The following GLYATL2 variants were observed in gnomAD, a reference collection of about 807,000 sequenced individuals.
GLYATL2 encodes the protein glycine N-acyltransferase-like protein 2.
GLYATL2 carries 25 observed loss-of-function variants against 21.4 expected under a neutral mutation model. That is an observed-to-expected ratio of 1.17 (90% confidence interval 0.85 to 1.63). The LOEUF is 1.63. Among genes scored for constraint, GLYATL2 ranks in the 40% most tolerant of loss-of-function variants. The pLI, the probability that GLYATL2 is intolerant of heterozygous loss-of-function variation, is 0.00. For missense variants in GLYATL2, 361 were observed against 343.3 expected, an observed-to-expected ratio of 1.05 and a Z score of -0.41; for synonymous variants, 114 against 118.2, an observed-to-expected ratio of 0.96 and a Z score of 0.23.
At chr11:58,892,639 T>C (rs1854564219) in intron 1 of GLYATL2, 1 of 315,716 alleles carries the variant, frequency 3.2e-6, no homozygotes, top group East Asian at 6.6e-5. Flanking sequence ...CTGACAATAT[T>C]GCTTTCTTGC....
rs574073874 is a variant in GLYATL2, at chr11:58,885,839, C to T, written n.60+18317G>A. Among the ~76,000 whole-genome samples, 42 of 152,196 alleles carry T rather than the reference C, an allele frequency of 2.8e-4. 1 individual carries two copies. The South Asian group carries it at 8.1e-3, about 29-fold the overall frequency. On this transcript the variant is annotated intron_variant and non_coding_transcript_variant, in intron 1 of 4. Coordinates refer to the GLYATL2 transcript ENST00000533636. ...TCACCTGCAGGGGCTGAAAGGAGGC[C>T]AATTTACAGGAAAAGTTCGGTGTCT...
At chr11:58,885,462 A>T (rs1854419924) in intron 1 of GLYATL2, 2 of 509,342 alleles carry the variant, frequency 3.9e-6, no homozygotes, top group Non-Finnish European at 3.9e-6. Flanking sequence ...CACATCAATC[A>T]TAGGAACCCC....
intron 1 of GLYATL2, among the ~76,000 whole-genome samples, chr11:58,898,167 C>A (rs1468652914): frequency 1.3e-5 from 2 of 150,738 alleles, no homozygotes; most frequent in Admixed American, 1.3e-4. Flanking sequence ...CAGTTATTCT[C>A]CATTTTCTCC....
chr11:58,879,708 C>T (rs1565103326), intron 1 of GLYATL2, among the ~76,000 whole-genome samples: 1 of 152,102 alleles, frequency 6.6e-6, no homozygotes, highest in Non-Finnish European at 1.5e-5. Context: ...TTAATGGGTA[C>T]AGTTTCTGTT....
rs532734450 is a variant in GLYATL2, at chr11:58,879,959, T to C, written n.60+24197A>G. On this transcript the variant is annotated intron_variant and non_coding_transcript_variant, in intron 1 of 4. Transcript: ENST00000533636. The stretch of plus-strand genomic sequence containing the variant: ...CTGCAAGCTCCGCCTCCCGGGCTCA[T>C]GCCATTCTCCTGCCTCAGCCTCCCA... Among the ~76,000 whole-genome samples the C allele has an allele frequency of 1.4e-4, 21 of 151,340 alleles. 2 individuals carry two copies. The highest frequency in any genetic ancestry group is 4.6e-4 in the African/African-American group (19 of 41,304).
intron 1 of GLYATL2, among the ~76,000 whole-genome samples, chr11:58,842,281 T>A (rs1487303259): frequency 1.3e-5 from 2 of 152,188 alleles, no homozygotes; most frequent in Non-Finnish European, 2.9e-5. Context: ...TTAGGATGGA[T>A]GCAGATGCAG....
chr11:58,893,320 C>A, intron 1 of GLYATL2: 1 of 216,482 alleles, frequency 4.6e-6, no homozygotes, highest in South Asian at 1.6e-4. Context: ...ATATCTGCGT[C>A]ATAAGAATAT....
chr11:58,875,389 G>A lies in GLYATL2; in HGVS notation n.60+28767C>T, dbSNP rs568158296. On this transcript the variant is annotated intron_variant and non_coding_transcript_variant, in intron 1 of 4. Coordinates refer to the GLYATL2 transcript ENST00000533636. ...GATGCAGTTTCTTCCTAGCATTGAT[G>A]GTCTTTACAATTTGGCATATTTTTG... is the stretch of plus-strand genomic sequence containing the variant. 1.4e-3 allele frequency among the ~76,000 whole-genome samples: 212 copies of A among 152,310 alleles called. 1 individual carries two copies. Among genetic ancestry groups the A allele is most frequent in the African/African-American group, 4.7e-3 (194 of 41,560 alleles).
chr11:58,878,028 T>C (rs1854269903), intron 1 of GLYATL2, among the ~76,000 whole-genome samples: 3 of 152,182 alleles, frequency 2.0e-5, no homozygotes, highest in Admixed American at 2.0e-4. Context: ...GTTCAAACTG[T>C]GTTCATACAA....
At chr11:58,863,416 C>T (rs1016514020) in intron 1 of GLYATL2, among the ~76,000 whole-genome samples, 3 of 152,170 alleles carry the variant, frequency 2.0e-5, no homozygotes, top group African/African-American at 7.2e-5. Flanking sequence ...TGGGGGCTGA[C>T]CTTGAGCCTG....
intron 1 of GLYATL2, among the ~76,000 whole-genome samples, chr11:58,859,576 T>A (rs1404002051): frequency 6.6e-6 from 1 of 152,196 alleles, no homozygotes; most frequent in Non-Finnish European, 1.5e-5. Context: ...TTGCCTCTTC[T>A]TCCTGTCGAT....
At chr11:58,900,727 C>A (rs888436830) in intron 1 of GLYATL2, among the ~76,000 whole-genome samples, 1 of 152,176 alleles carries the variant, frequency 6.6e-6, no homozygotes, top group Non-Finnish European at 1.5e-5. Context: ...CAACACATGT[C>A]CCAGCATCTC....
In GLYATL2 at chr11:58,835,325, A is replaced by G. The variant is rs149986276; in HGVS notation, c.477-488T>C. 3.9e-3 allele frequency among the ~76,000 whole-genome samples: 591 copies of G among 152,358 alleles called. 10 individuals are homozygous for G. The highest frequency in any genetic ancestry group is 0.013 in the African/African-American group (561 of 41,572). ...AGAACAATGCTGATCTTACATCTTCATGTGTCCCAAAGCCCTTCATCACAT... is the reference window on the plus strand; with the variant it reads ...AGAACAATGCTGATCTTACATCTTCGTGTGTCCCAAAGCCCTTCATCACAT... On this transcript the variant is annotated intron_variant, in intron 5 of 5. Coordinates refer to ENST00000287275, the MANE Select transcript of GLYATL2 (RefSeq NM_145016.4).
At chr11:58,885,179 T>C (rs983207796) in intron 1 of GLYATL2, among the ~76,000 whole-genome samples, 1 of 152,208 alleles carries the variant, frequency 6.6e-6, no homozygotes, top group Non-Finnish European at 1.5e-5. Context: ...ACAATGTAAG[T>C]GCTAAGAGCA....
At chr11:58,869,474 C>T (rs1854078627) in intron 1 of GLYATL2, among the ~76,000 whole-genome samples, 1 of 152,162 alleles carries the variant, frequency 6.6e-6, no homozygotes. Flanking sequence ...TCACAGCCTT[C>T]ACTGGTTTAC....
intron 1 of GLYATL2, among the ~76,000 whole-genome samples, chr11:58,855,305 GA>G (rs957873906): frequency 9.9e-5 from 15 of 152,168 alleles, no homozygotes; most frequent in African/African-American, 3.6e-4. Flanking sequence ...TAGCAAGCAT[GA>G]AAAAAAATTA....
chr11:58,878,281 A>G (rs928730809), intron 1 of GLYATL2: 1 of 462,888 alleles, frequency 2.2e-6, no homozygotes, highest in Admixed American at 3.4e-5. Context: ...CAGGATCTGA[A>G]GTGGAGCTTC....
intron 1 of GLYATL2, among the ~76,000 whole-genome samples, chr11:58,901,109 C>T (rs1029811184): frequency 6.6e-6 from 1 of 152,220 alleles, no homozygotes; most frequent in African/African-American, 2.4e-5. Context: ...TAAAAGGGGG[C>T]TGCCTGCGCG....
chr11:58,837,516 G>T, intron 3 of GLYATL2, 119 bp from the exon 4 acceptor site: 5 of 940,072 alleles, frequency 5.3e-6, no homozygotes, highest in Non-Finnish European at 6.4e-6. Context: ...TGAGACAGGT[G>T]TAGAAAATGG....
Sources: allele counts gnomAD v4.1 joint callset (sites outside exome capture counted in the v4.1 genomes callset), GRCh38; gene constraint gnomAD v4.1.1; transcripts MANE v1.5; gene names NCBI Gene and HGNC (gene_info 2026-07-23, HGNC 2026-07-21).